RBFOX1: variants seen among roughly 807,000 people sequenced by gnomAD.
RBFOX1 encodes RNA binding fox-1 homolog 1.
A neutral mutation model predicts 57.7 loss-of-function variants in RBFOX1; 8 were observed. The ratio of observed to expected loss-of-function variants is 0.14; its 90% CI spans 0.08 to 0.25. The LOEUF is 0.25. Among genes scored for constraint, RBFOX1 ranks in the 10% least tolerant of loss-of-function variants. The pLI, the probability that RBFOX1 is intolerant of heterozygous loss-of-function variation, is 1.00. For missense variants in RBFOX1, 611 were observed against 548.5 expected, an observed-to-expected ratio of 1.11 and a Z score of -1.14; for synonymous variants, 326 against 222.4, an observed-to-expected ratio of 1.47 and a Z score of -4.15.
chr16:6,840,395 C>T (rs555964527), intron 3 of RBFOX1, among the ~76,000 whole-genome samples: 1 of 152,090 alleles, frequency 6.6e-6, no homozygotes, highest in South Asian at 2.1e-4. Flanking sequence ...TCCTCCATTC[C>T]TTCATTAAAT....
At chr16:7,459,937 G>C (rs2059231617) in intron 4 of RBFOX1, among the ~76,000 whole-genome samples, 1 of 151,946 alleles carries the variant, frequency 6.6e-6, no homozygotes, top group African/African-American at 2.4e-5. Context: ...TGTTTTAATA[G>C]TTTATTGGTT....
chr16:7,130,824 A>G (rs1227881307), intron 4 of RBFOX1, among the ~76,000 whole-genome samples: 6 of 152,256 alleles, frequency 3.9e-5, no homozygotes, highest in African/African-American at 9.6e-5. Flanking sequence ...GAACAAGAAC[A>G]CTTTCTCATC....
At chr16:5,388,670 G>T (rs984729391) in intron 1 of RBFOX1, among the ~76,000 whole-genome samples, 1 of 151,836 alleles carries the variant, frequency 6.6e-6, no homozygotes, top group Admixed American at 6.6e-5. Context: ...TCCACCTCCC[G>T]GGTTCAAGCG....
rs78876256 is a variant in RBFOX1, at chr16:6,540,501, A to G, written c.-63-114102A>G. On this transcript the variant is annotated intron_variant, in intron 2 of 15. Coordinates refer to ENST00000550418, the MANE Select transcript of RBFOX1 (RefSeq NM_018723.4). Reference sequence around the variant, plus strand: ...GTGGCATGCGCATGTAGTCCTAGCTACTCAGGAGGCTGAGGCAGGAAAATC... The same window carrying G: ...GTGGCATGCGCATGTAGTCCTAGCTGCTCAGGAGGCTGAGGCAGGAAAATC... Among the ~76,000 whole-genome samples, 442 of 150,576 alleles carry G rather than the reference A, an allele frequency of 2.9e-3. 10 individuals carry two copies. The East Asian group carries it at 0.041, about 14-fold the overall frequency.
At chr16:7,386,786 C>A (rs965558039) in intron 4 of RBFOX1, among the ~76,000 whole-genome samples, 2 of 152,070 alleles carry the variant, frequency 1.3e-5, no homozygotes, top group African/African-American at 4.8e-5. Flanking sequence ...AGTTCTATAT[C>A]CTTGAGGAAT....
chr16:6,379,371 C>T (rs919524741), intron 2 of RBFOX1, among the ~76,000 whole-genome samples: 1 of 152,120 alleles, frequency 6.6e-6, no homozygotes, highest in East Asian at 1.9e-4. Context: ...ATATTCCTGC[C>T]TTATACCTGT....
chr16:7,710,656 A>C lies in RBFOX1; in HGVS notation c.1105A>C (p.Arg369=). The C allele has an allele frequency of 1.2e-6, 2 of 1,613,656 alleles. No homozygotes were observed. Among genetic ancestry groups the C allele is most frequent in the Non-Finnish European group, 1.7e-6 (2 of 1,179,804 alleles). The part of the protein sequence containing the change: ...AFAPLTDAKT[R]SHADDVGLVL... ...TGCACCTTTGACTGATGCCAAGACTAGGAGCCATGCTGATGATGTGGGTCT... is the reference window on the plus strand; with the variant it reads ...TGCACCTTTGACTGATGCCAAGACTCGGAGCCATGCTGATGATGTGGGTCT... Residue 369 remains arginine (R), a synonymous_variant, in exon 16 of 16, where the codon AGG becomes CGG. Coordinates refer to ENST00000550418, the MANE Select transcript of RBFOX1 (RefSeq NM_018723.4).
intron 3 of RBFOX1, among the ~76,000 whole-genome samples, chr16:6,749,907 A>G (rs1309854744): frequency 6.6e-6 from 1 of 152,198 alleles, no homozygotes; most frequent in Non-Finnish European, 1.5e-5. Flanking sequence ...CATCCTCAGA[A>G]TACAATAAGG....
At chr16:6,803,805 T>C (rs148177321) in intron 3 of RBFOX1, among the ~76,000 whole-genome samples, 4,446 of 152,134 alleles carry the variant, frequency 0.029, 216 homozygotes, top group South Asian at 0.15. Flanking sequence ...AGAGTTGTAC[T>C]GGGAGATTCA....
chr16:6,021,509 G>A (rs1179067445), intron 1 of RBFOX1, among the ~76,000 whole-genome samples: 1 of 152,338 alleles, frequency 6.6e-6, no homozygotes, highest in African/African-American at 2.4e-5. Context: ...GGTGCTGGCA[G>A]TGGCTGTGCT....
chr16:6,119,866 A>G (rs1434046354), intron 1 of RBFOX1, among the ~76,000 whole-genome samples: 1 of 152,150 alleles, frequency 6.6e-6, no homozygotes, highest in Non-Finnish European at 1.5e-5. Context: ...TGCAACCGCT[A>G]CCTCTATCCA....
At chr16:5,998,924 A>T (rs1354289448) in intron 4 of RBFOX1, among the ~76,000 whole-genome samples, 1 of 152,148 alleles carries the variant, frequency 6.6e-6, no homozygotes, top group African/African-American at 2.4e-5. Flanking sequence ...TAATCTATGG[A>T]ACATCTCCCT....
chr16:7,235,455 CTTTG>C (rs2093719844), intron 4 of RBFOX1, among the ~76,000 whole-genome samples: 1 of 152,180 alleles, frequency 6.6e-6, no homozygotes, highest in South Asian at 2.1e-4. Flanking sequence ...GATGAGGGAC[CTTTG>C]TTTGTAAGAT....
intron 4 of RBFOX1, among the ~76,000 whole-genome samples, chr16:7,406,159 G>A (rs1370423649): frequency 6.6e-6 from 1 of 152,062 alleles, no homozygotes; most frequent in East Asian, 1.9e-4. Context: ...TTGAAACTGT[G>A]GTTTTTCCAG....
chr16:6,580,159 A>G (rs1406645583), intron 2 of RBFOX1, among the ~76,000 whole-genome samples: 2 of 152,048 alleles, frequency 1.3e-5, no homozygotes, highest in African/African-American at 2.4e-5. Flanking sequence ...GGGTTTCACC[A>G]TGTCAGCCAG....
chr16:6,649,677 G>C (rs1233030664), intron 2 of RBFOX1, among the ~76,000 whole-genome samples: 1 of 152,124 alleles, frequency 6.6e-6, no homozygotes, highest in Non-Finnish European at 1.5e-5. Flanking sequence ...CATCCAGGTT[G>C]CTGTGAATGC....
intron 2 of RBFOX1, chr16:6,576,981 G>T (rs1428591846): frequency 1.3e-5 from 2 of 152,336 alleles, no homozygotes; most frequent in African/African-American, 2.4e-5. Context: ...TATCAAAGCG[G>T]TGACATGTGA....
chr16:5,530,875 G>A (rs1474343111), intron 2 of RBFOX1, among the ~76,000 whole-genome samples: 2 of 144,102 alleles, frequency 1.4e-5, no homozygotes, highest in Non-Finnish European at 3.0e-5. Flanking sequence ...ATCATCTGAG[G>A]TCAGGAGTTC....
At chr16:7,589,682 T>C (rs371251428) in intron 7 of RBFOX1, among the ~76,000 whole-genome samples, 2 of 152,022 alleles carry the variant, frequency 1.3e-5, no homozygotes, top group Admixed American at 1.3e-4. Flanking sequence ...GGGATATTTT[T>C]CATAGTTGAC....
Sources: gnomAD v4.1 joint callset for allele counts (sites outside exome capture counted in the v4.1 genomes callset) on GRCh38, gnomAD v4.1.1 for gene constraint, MANE v1.5 for transcripts, NCBI Gene and HGNC (gene_info 2026-07-23, HGNC 2026-07-21) for gene names.